The following RAD54L2 variants were observed in gnomAD, a reference collection of about 807,000 sequenced individuals.
The protein encoded by RAD54L2 is helicase ARIP4.
In RAD54L2, 27 loss-of-function variants were observed where a neutral mutation model predicts 138.4. That is an observed-to-expected ratio of 0.20 (90% CI 0.14 to 0.27). The LOEUF (loss-of-function observed/expected upper bound fraction) is 0.27, where lower values mean the gene tolerates loss of function less well. Among genes scored for constraint, RAD54L2 ranks in the 10% least tolerant of loss-of-function variants. The pLI is 1.00. For missense variants in RAD54L2, 1,396 were observed against 1,890.2 expected (o/e 0.74, Z 4.85); for synonymous variants, 644 against 723.2 (o/e 0.89, Z 1.76).
chr3:51,543,311 G>A (rs1698601022), intron 2 of RAD54L2, among the ~76,000 whole-genome samples: 1 of 152,106 alleles, frequency 6.6e-6, no homozygotes. Context: ...TTTAATTCCA[G>A]ATAAGAGTAA....
At chr3:51,609,511 G>T (rs1046817090) in intron 3 of RAD54L2, among the ~76,000 whole-genome samples, 3 of 152,180 alleles carry the variant, frequency 2.0e-5, no homozygotes, top group African/African-American at 7.2e-5. Flanking sequence ...ACACTTGAGT[G>T]CATTTTGTGG....
chr3:51,595,159 C>A (rs534852370), intron 3 of RAD54L2, among the ~76,000 whole-genome samples: 37 of 152,226 alleles, frequency 2.4e-4, no homozygotes, highest in African/African-American at 8.9e-4. Context: ...AGCCACCGTG[C>A]CTGGCCGATG....
intron 3 of RAD54L2, among the ~76,000 whole-genome samples, chr3:51,615,001 ATATTT>A (rs1187945864): frequency 6.6e-6 from 1 of 151,146 alleles, no homozygotes; most frequent in Non-Finnish European, 1.5e-5. Flanking sequence ...TAATTAATTA[ATATTT>A]TATTTTATTT....
At chr3:51,576,587 G>T (rs1332706066) in intron 2 of RAD54L2, among the ~76,000 whole-genome samples, 1 of 151,956 alleles carries the variant, frequency 6.6e-6, no homozygotes, top group Non-Finnish European at 1.5e-5. Flanking sequence ...AGGGTGGATG[G>T]GTCCGGGAAT....
intron 3 of RAD54L2, among the ~76,000 whole-genome samples, chr3:51,625,053 C>T (rs1700648794): frequency 6.6e-6 from 1 of 152,074 alleles, no homozygotes; most frequent in South Asian, 2.1e-4. Flanking sequence ...CTCTCTTTAC[C>T]AAAGGCTCTC....
chr3:51,663,058 G>A lies in RAD54L2; in HGVS notation c.4042G>A (p.Val1348Met). ...LVFPVTTDPL[V>M]PAGPVSSSST... Reference sequence around the variant, plus strand: ...GTTTCCAGTGACTACTGACCCTCTGGTGCCAGCAGGCCCCGTCAGTTCCTC... The same window carrying A: ...GTTTCCAGTGACTACTGACCCTCTGATGCCAGCAGGCCCCGTCAGTTCCTC... Residue 1348 changes from valine (V) to methionine (M), a missense_variant, in exon 23 of 23, where the codon GTG (valine) becomes ATG (methionine). Physicochemically the swap from Val to Met is conservative, Grantham distance 21. This residue lies in a region of RAD54L2 where 634 missense variants were observed against 711.2 expected (regional missense o/e 0.89). Transcript: ENST00000684192. 1.2e-6 allele frequency: 2 copies of A among 1,613,878 alleles called. No homozygotes were observed. Among genetic ancestry groups the A allele is most frequent in the East Asian group, 4.5e-5 (2 of 44,876 alleles).
intron 19 of RAD54L2, among the ~76,000 whole-genome samples, chr3:51,646,772 A>G (rs911155594): frequency 6.6e-6 from 1 of 152,178 alleles, no homozygotes; most frequent in Non-Finnish European, 1.5e-5. Context: ...AGGCCCAGCC[A>G]TTCCACACAG....
intron 4 of RAD54L2, 99 bp from the exon 5 acceptor site, chr3:51,629,235 G>A (rs1351794039): frequency 1.3e-5 from 18 of 1,338,000 alleles, no homozygotes; most frequent in South Asian, 2.9e-5. Context: ...CTCCCGCCTC[G>A]ACTCTGAGAT....
At chr3:51,579,441 T>C (rs1221219714) in intron 2 of RAD54L2, among the ~76,000 whole-genome samples, 1 of 152,234 alleles carries the variant, frequency 6.6e-6, no homozygotes, top group East Asian at 1.9e-4. Flanking sequence ...CTCCTGTTCC[T>C]ATCCTAATTC....
At chr3:51,603,639 C>T (rs564282550) in intron 3 of RAD54L2, among the ~76,000 whole-genome samples, 1 of 152,034 alleles carries the variant, frequency 6.6e-6, no homozygotes, top group South Asian at 2.1e-4. Flanking sequence ...TAGGGAATCT[C>T]CAAGCCTACT....
intron 3 of RAD54L2, among the ~76,000 whole-genome samples, chr3:51,614,858 C>A (rs1482767762): frequency 1.3e-5 from 2 of 151,754 alleles, no homozygotes; most frequent in East Asian, 3.9e-4. Flanking sequence ...AACCCCCTAA[C>A]AGTCTTTAAT....
At chr3:51,584,174 C>A (rs749183194) in intron 2 of RAD54L2, among the ~76,000 whole-genome samples, 1 of 152,108 alleles carries the variant, frequency 6.6e-6, no homozygotes, top group Non-Finnish European at 1.5e-5. Context: ...GTAAACATGT[C>A]TTTAGTGCTA....
At chr3:51,619,273 G>A (rs900676884) in intron 3 of RAD54L2, among the ~76,000 whole-genome samples, 6 of 151,224 alleles carry the variant, frequency 4.0e-5, no homozygotes, top group Non-Finnish European at 5.9e-5. Context: ...TGGTCAGGCC[G>A]GTCTCGAACT....
chr3:51,616,482 A>G (rs1334816320), intron 3 of RAD54L2, among the ~76,000 whole-genome samples: 1 of 152,324 alleles, frequency 6.6e-6, no homozygotes, highest in East Asian at 1.9e-4. Context: ...CATATTTCAC[A>G]TGTACATGAC....
intron 3 of RAD54L2, among the ~76,000 whole-genome samples, chr3:51,596,691 G>A (rs897869991): frequency 5.3e-5 from 8 of 152,242 alleles, no homozygotes; most frequent in South Asian, 2.1e-4. Context: ...AGGAAAAACC[G>A]GATGTCCCAG....
At chr3:51,625,508 C>CA (rs1221780066) in intron 3 of RAD54L2, among the ~76,000 whole-genome samples, 1 of 151,956 alleles carries the variant, frequency 6.6e-6, no homozygotes, top group Admixed American at 6.6e-5. Flanking sequence ...AGAAAACCAC[C>CA]ATTAACATAC....
chr3:51,626,962 T>C (rs141555806), intron 3 of RAD54L2, among the ~76,000 whole-genome samples: 1 of 152,292 alleles, frequency 6.6e-6, no homozygotes, highest in East Asian at 1.9e-4. Context: ...TGTTTGTACA[T>C]GCCCTGTCTC....
rs1462289445 is a variant in RAD54L2, at chr3:51,667,414, C to G, written c.*3994C>G. 1 of 152,320 alleles carries G rather than the reference C, an allele frequency of 6.6e-6. No homozygotes were observed. Among genetic ancestry groups the G allele is most frequent in the Non-Finnish European group, 1.5e-5 (1 of 68,138 alleles). The allele number at this position is 152,320 out of a possible 1,614,324, so 9.4% of individuals were successfully genotyped here. ...CTCCTGACCTCAAGTGATCCACCCT[C>G]CTCGGCCTCCCAGTGATGGGATTAC... is the stretch of plus-strand genomic sequence containing the variant. On this transcript the variant is annotated 3_prime_UTR_variant, in exon 23 of 23. Coordinates refer to ENST00000684192, the MANE Select transcript of RAD54L2 (RefSeq NM_015106.4).
At chr3:51,650,643 C>T (rs1481337088) in intron 19 of RAD54L2, among the ~76,000 whole-genome samples, 2 of 152,178 alleles carry the variant, frequency 1.3e-5, no homozygotes, top group East Asian at 1.9e-4. Flanking sequence ...CACTCAAAAC[C>T]ACACAACTAC....
Sources: allele counts gnomAD v4.1 joint callset (sites outside exome capture counted in the v4.1 genomes callset), GRCh38; gene constraint gnomAD v4.1.1; regional missense constraint gnomAD v4.1.1; transcripts MANE v1.5; gene names NCBI Gene and HGNC (gene_info 2026-07-23, HGNC 2026-07-21).